Variants in TRIM17 observed in about 807,000 individuals in gnomAD.
TRIM17 encodes tripartite motif containing 17.
Under a neutral mutation model 35.8 loss-of-function variants are expected in TRIM17, and 27 were observed. That is an observed-to-expected ratio of 0.75 (90% CI 0.56 to 1.04). TRIM17 has a LOEUF of 1.04. TRIM17 is among the 50% of genes least tolerant of loss of function. The probability of loss-of-function intolerance (pLI) is 0.00; values close to 1 mark genes in which losing one functional copy is unlikely to be tolerated. For missense variants in TRIM17, 582 were observed against 612.8 expected (o/e 0.95, Z 0.53); for synonymous variants, 246 against 252.6 (o/e 0.97, Z 0.25).
chr1:228,411,011 A>T lies in TRIM17; in HGVS notation c.691T>A (p.Ser231Thr). The T allele has an allele frequency of 6.2e-7, 1 of 1,611,924 alleles. No individual in the cohort carries two copies. The highest frequency in any genetic ancestry group is 8.5e-7 in the Non-Finnish European group (1 of 1,179,454). The change falls in exon 4 of 7, where the codon TCT becomes ACT. Residue 231 changes from serine to threonine, a missense_variant. Ser to Thr is a moderately conservative substitution (Grantham distance 58). Coordinates refer to ENST00000366698, the MANE Select transcript of TRIM17 (RefSeq NM_016102.4). The surrounding 1 kb of genome is among the most constrained non-coding windows in gnomAD (Gnocchi z 4.2). ...SVACLDRQGH[S>T]LELLLLQLEE... ...AGCTGCAGCAGCAGCAGCTCCAGAG[A>T]GTGACCCTGCCGGTCCAGGCAGGCC...
At chr1:228,409,604 A>C (rs1381107858) in intron 4 of TRIM17, 193 bp from the exon 5 acceptor site, 1 of 548,902 alleles carries the variant, frequency 1.8e-6, no homozygotes. Context: ...CAGAGCCCCC[A>C]GTGCCTCACC....
Position 228,411,044 on chromosome 1 carries a change from C to G in TRIM17, c.658G>C (p.Glu220Gln), listed in dbSNP as rs201885630. The G allele has an allele frequency of 6.2e-6, 10 of 1,613,716 alleles. No homozygotes were observed. Among genetic ancestry groups the G allele is most frequent in the South Asian group, 1.1e-5 (1 of 91,082 alleles). The part of the protein sequence containing the change: ...EEEETASRLR[E>Q]SVACLDRQGH... ...TGCCGGTCCAGGCAGGCCACGCTCTCCCGGAGCCTGCTGGCAGTCTCCTCT... is the reference window on the plus strand; with the variant it reads ...TGCCGGTCCAGGCAGGCCACGCTCTGCCGGAGCCTGCTGGCAGTCTCCTCT... The change falls in exon 4 of 7, where the codon GAG becomes CAG. Residue 220 changes from glutamate to glutamine, a missense_variant. Coordinates refer to ENST00000366698, the MANE Select transcript of TRIM17 (RefSeq NM_016102.4). This position sits in a 1 kb window ranked among gnomAD's most constrained non-coding sequence, Gnocchi z 4.2.
In TRIM17 at chr1:228,414,736, C is replaced by T. The variant is rs1366352510; in HGVS notation, c.337G>A (p.Asp113Asn). The change falls in exon 2 of 7, where the codon GAC (aspartate) becomes AAC (asparagine). Residue 113 changes from aspartate (D) to asparagine (N), a missense_variant. Physicochemically the swap from Asp to Asn is conservative, Grantham distance 23 (BLOSUM62 1). Coordinates refer to ENST00000366698, the MANE Select transcript of TRIM17 (RefSeq NM_016102.4). ...CACACCACACAGATGGGGCTCTGGT[C>T]CTTCTGGCAGAAAAGCTTGAGGGGC... is the stretch of plus-strand genomic sequence containing the variant. ...HEPLKLFCQK[D>N]QSPICVVCRE... 1 of 1,612,712 alleles carries T rather than the reference C, an allele frequency of 6.2e-7. No individual in the cohort carries two copies. Among genetic ancestry groups the T allele is most frequent in the East Asian group, 2.2e-5 (1 of 44,874 alleles).
chr1:228,408,503 CT>C lies in TRIM17; in HGVS notation c.1131del (p.Asp378ThrfsTer29). The C allele has an allele frequency of 6.2e-7, 1 of 1,614,160 alleles. No homozygotes were observed. Among genetic ancestry groups the C allele is most frequent in the Non-Finnish European group, 8.5e-7 (1 of 1,180,008 alleles). ...TTTTCGGGGCACTTGGGGACCCTGT[CT>C]TTCCGGCTCACGTTGTCCCTGCACA... ...LGVCRDNVSR[K>X]DRVPKCPENG... On this transcript the variant is annotated frameshift_variant, in exon 7 of 7. Transcript: ENST00000366698. LOFTEE classifies it low-confidence loss of function (END_TRUNC). The surrounding 1 kb of genome is among the most constrained non-coding windows in gnomAD (Gnocchi z 6.3).
Position 228,412,087 on chromosome 1 carries a change from T to C in TRIM17, c.526-911A>G, listed in dbSNP as rs140923185. Among the ~76,000 whole-genome samples the C allele has an allele frequency of 4.7e-3, 717 of 152,300 alleles. 5 individuals carry two copies. Among genetic ancestry groups the C allele is most frequent in the African/African-American group, 0.016 (683 of 41,566 alleles). On this transcript the variant is annotated intron_variant, in intron 3 of 6. Coordinates refer to ENST00000366698, the MANE Select transcript of TRIM17 (RefSeq NM_016102.4). ...TGAAGCTGAAGGCTGTGCCTCTGAATGCTGACGCCCACCCTTCACTGGCTC... is the reference window on the plus strand; with the variant it reads ...TGAAGCTGAAGGCTGTGCCTCTGAACGCTGACGCCCACCCTTCACTGGCTC...
rs1175570438 is a variant in TRIM17, at chr1:228,413,894, T to G, written c.430-2A>C. The G allele has an allele frequency of 6.2e-7, 1 of 1,613,646 alleles. No homozygotes were observed. Among genetic ancestry groups the G allele is most frequent in the Non-Finnish European group, 8.5e-7 (1 of 1,179,616 alleles). On this transcript the variant is annotated splice_acceptor_variant, in intron 2 of 6. Coordinates refer to ENST00000366698, the MANE Select transcript of TRIM17 (RefSeq NM_016102.4). LOFTEE classifies it high-confidence loss of function. ...CTCCATGTCCTCCTCCAGCTTCAAC[T>G]GTGGGACACACAAACCGCAGGATTT...
Position 228,414,840 on chromosome 1 carries a change from C to T in TRIM17, c.233G>A (p.Arg78Gln), listed in dbSNP as rs1270334022. Residue 78 changes from arginine (R) to glutamine (Q), a missense_variant, in exon 2 of 7, where the codon CGG (arginine) becomes CAG (glutamine). Physicochemically the swap from Arg to Gln is conservative, Grantham distance 43. Coordinates refer to ENST00000366698, the MANE Select transcript of TRIM17 (RefSeq NM_016102.4). ...CATCTCGGCCACCTTGGTCAGCAGCCGGTTGGGCAGCAGGTTCCTCTGCGG... is the reference window on the plus strand; with the variant it reads ...CATCTCGGCCACCTTGGTCAGCAGCTGGTTGGGCAGCAGGTTCCTCTGCGG... ...MSPQRNLLPN[R>Q]LLTKVAEMAQ... The T allele has an allele frequency of 8.7e-6, 14 of 1,613,480 alleles. No homozygotes were observed. The highest frequency in any genetic ancestry group is 2.7e-5 in the African/African-American group (2 of 74,938).
chr1:228,409,380 A>G lies in TRIM17; in HGVS notation c.779+9T>C. 1 of 1,453,186 alleles carries G rather than the reference A, an allele frequency of 6.9e-7. No homozygotes were observed. The highest frequency in any genetic ancestry group is 9.2e-7 in the Non-Finnish European group (1 of 1,086,854). The allele number at this position is 1,453,186 out of a possible 1,614,324, so 90.0% of individuals were successfully genotyped here. On this transcript the variant is annotated intron_variant, in intron 5 of 6. Coordinates refer to ENST00000366698, the MANE Select transcript of TRIM17 (RefSeq NM_016102.4). ...ACTGCCCCCGCCCCTGCCTGAGGGGACCACATACCTGCTCAGGGGTTCCTT... is the reference window on the plus strand; with the variant it reads ...ACTGCCCCCGCCCCTGCCTGAGGGGGCCACATACCTGCTCAGGGGTTCCTT...
chr1:228,416,722 G>GTTGGGC lies in TRIM17; in HGVS notation c.-226_-225insGCCCAA. On this transcript the variant is annotated 5_prime_UTR_variant, in exon 1 of 7. Coordinates refer to ENST00000366698, the MANE Select transcript of TRIM17 (RefSeq NM_016102.4). Reference sequence around the variant, plus strand: ...GGGGCTGGGGGGCGGCGGGGGAGGGGAATGCTGGGCGAGGGAGTGTTCGGC... The same window carrying GTTGGGC: ...GGGGCTGGGGGGCGGCGGGGGAGGGGTTGGGCAATGCTGGGCGAGGGAGTGTTCGGC... The GTTGGGC allele has an allele frequency of 1.8e-6, 1 of 568,114 alleles. No individual in the cohort carries two copies. The highest frequency in any genetic ancestry group is 2.2e-6 in the Non-Finnish European group (1 of 453,600). The allele number at this position is 568,114 out of a possible 1,614,324, so 35.2% of individuals were successfully genotyped here. A position where few individuals can be genotyped will look rare whatever the true frequency, so the allele number is the denominator to read the frequency against.
At chr1:228,414,526 C>T in intron 2 of TRIM17, 118 bp downstream of exon 2, 1 of 892,042 alleles carries the variant, frequency 1.1e-6, no homozygotes, top group Non-Finnish European at 1.7e-6. Context: ...TCCTCCCCAG[C>T]CCCTGACTCG....
rs1313672111 is a variant in TRIM17, at chr1:228,409,985, C to T, written c.757-574G>A. ...TAGGCAGGGACTCTCATGCAGGTGG[C>T]GCGCTTGGCCCTCTGCTCATAGGAG... On this transcript the variant is annotated intron_variant, in intron 4 of 6. Coordinates refer to ENST00000366698, the MANE Select transcript of TRIM17 (RefSeq NM_016102.4). 3.3e-5 allele frequency among the ~76,000 whole-genome samples: 5 copies of T among 152,274 alleles called. No individual in the cohort carries two copies. In the East Asian group the frequency reaches 7.7e-4, roughly 24 times the overall value.
Position 228,408,993 on chromosome 1 carries a change from C to T in TRIM17, c.883+179G>A, listed in dbSNP as rs1240997858. The T allele has an allele frequency of 5.2e-6, 8 of 1,544,894 alleles. No homozygotes were observed. The highest frequency in any genetic ancestry group is 1.2e-5 in the South Asian group (1 of 82,970). On this transcript the variant is annotated intron_variant, in intron 6 of 6. Coordinates refer to ENST00000366698, the MANE Select transcript of TRIM17 (RefSeq NM_016102.4). The surrounding 1 kb of genome is among the most constrained non-coding windows in gnomAD (Gnocchi z 6.3). ...CACTGGGAACTCAACAAGATTCATC[C>T]CATGAATTAGAACCACCAGTAACGC...
chr1:228,408,253 G>A lies in TRIM17; in HGVS notation c.1382C>T (p.Pro461Leu), dbSNP rs1438478446. ...GGAGATGACCATCTGACCAGACTTC[G>A]GAGCCCCCAGGCAGAAGAAAGGCTG... Reference protein sequence around the residue: ...PLQPFFCLGAPKSGQMVISTV... With the variant: ...PLQPFFCLGALKSGQMVISTV... The change falls in exon 7 of 7, where the codon CCG becomes CTG. Residue 461 changes from proline to leucine, a missense_variant. By Grantham distance (98) the Pro-to-Leu change is moderately conservative. Coordinates refer to ENST00000366698, the MANE Select transcript of TRIM17 (RefSeq NM_016102.4). This position sits in a 1 kb window ranked among gnomAD's most constrained non-coding sequence, Gnocchi z 6.3. 18 of 1,570,058 alleles carry A rather than the reference G, an allele frequency of 1.1e-5. No individual in the cohort carries two copies. The highest frequency in any genetic ancestry group is 5.4e-5 in the African/African-American group (4 of 73,834).
intron 4 of TRIM17, chr1:228,409,782 G>C: frequency 6.1e-6 from 1 of 165,182 alleles, no homozygotes; most frequent in South Asian, 2.3e-4. Context: ...GCAATTGGGT[G>C]CAGTTTGGGG....
In TRIM17 at chr1:228,412,595, CAAAAAAAAAAAAAAAA is replaced by C. The variant is rs34002550; in HGVS notation, c.525+1186_525+1201del. ...GGGCAATAGCAAGACCTTGTCTCTA[CAAAAAAAAAAAAAAAA>C]AAAAAAAAAAAAGCTGGTCTTGGTG... is the stretch of plus-strand genomic sequence containing the variant. On this transcript the variant is annotated intron_variant, in intron 3 of 6. Transcript: ENST00000366698. 1.1e-4 allele frequency among the ~76,000 whole-genome samples: 5 copies of C among 47,426 alleles called. No individual in the cohort carries two copies. In the South Asian group the frequency reaches 5.1e-3, roughly 49 times the overall value. 31.1% of individuals were successfully genotyped at this position (47,426 alleles called of 152,430 possible).
In TRIM17 at chr1:228,410,960, G is replaced by A. The variant is rs1656744802; in HGVS notation, c.742C>T (p.Leu248Phe). The A allele has an allele frequency of 6.3e-7, 1 of 1,576,006 alleles. No homozygotes were observed. The highest frequency in any genetic ancestry group is 8.6e-7 in the Non-Finnish European group (1 of 1,161,748). The change falls in exon 4 of 7, where the codon CTC (leucine) becomes TTC (phenylalanine). Residue 248 changes from leucine to phenylalanine, a missense_variant. Coordinates refer to ENST00000366698, the MANE Select transcript of TRIM17 (RefSeq NM_016102.4). This position sits in a 1 kb window ranked among gnomAD's most constrained non-coding sequence, Gnocchi z 4.6. ...QLEERSTQGPLQMLQDMKEPL... is the reference protein window; with the variant it reads ...QLEERSTQGPFQMLQDMKEPL... ...TACTGGCTCACCTGCAGCATCTGGA[G>A]GGGCCCCTGTGTGCTCCGCTCCTCC...
rs1656795802 is a variant in TRIM17 at position 228,411,739 on chromosome 1, A to C, written c.526-563T>G. On this transcript the variant is annotated intron_variant, in intron 3 of 6. Transcript: ENST00000366698. The surrounding 1 kb of genome is among the most constrained non-coding windows in gnomAD (Gnocchi z 4.2). ...CCTCCTGGCCTCAAGTGACCCTCCCACCTCAGCCTTCCAAGGAAGTGGGAC... is the reference window on the plus strand; with the variant it reads ...CCTCCTGGCCTCAAGTGACCCTCCCCCCTCAGCCTTCCAAGGAAGTGGGAC... 6.6e-6 allele frequency among the ~76,000 whole-genome samples: 1 copy of C among 151,714 alleles called. No homozygotes were observed. Among genetic ancestry groups the C allele is most frequent in the South Asian group, 2.1e-4 (1 of 4,812 alleles).
rs1656634280 is a variant in TRIM17, at chr1:228,409,194, A to C, written c.861T>G (p.Ile287Met). 1.2e-6 allele frequency: 2 copies of C among 1,613,816 alleles called. No individual in the cohort carries two copies. The highest frequency in any genetic ancestry group is 1.7e-6 in the Non-Finnish European group (2 of 1,179,996). ...TACCTAGAAAGCCTCTTAGCACTTC[A>C]ATCTGTCCGGGAACTCTGCACACAG... Reference protein sequence around the residue: ...PRTVCRVPGQIEVLRGFLEDV... With the variant: ...PRTVCRVPGQMEVLRGFLEDV... Residue 287 changes from isoleucine to methionine, a missense_variant, in exon 6 of 7, where the codon ATT becomes ATG. Ile to Met is a conservative substitution (Grantham distance 10). Transcript: ENST00000366698.
rs139410314 is a variant in TRIM17, at chr1:228,415,017, C to T, written c.56G>A (p.Cys19Tyr). ...KLQEEATCSI[C>Y]LDYFTDPVMT... is the part of the protein sequence containing the mutation. ...CACAGGGTCTGTGAAGTAATCCAGA[C>T]AGATGGAGCACGTAGCTTCCTCCTG... The change falls in exon 2 of 7, where the codon TGT becomes TAT. Residue 19 changes from cysteine (C) to tyrosine (Y), a missense_variant. Transcript: ENST00000366698. 2.5e-6 allele frequency: 4 copies of T among 1,611,618 alleles called. No individual in the cohort carries two copies. Among genetic ancestry groups the T allele is most frequent in the African/African-American group, 2.7e-5 (2 of 74,902 alleles).
Sources: gnomAD v4.1 joint callset for allele counts (sites outside exome capture counted in the v4.1 genomes callset) on GRCh38, gnomAD v4.1.1 for gene constraint, Gnocchi (gnomAD v3.1) non-coding constraint, MANE v1.5 for transcripts, NCBI Gene and HGNC (gene_info 2026-07-23, HGNC 2026-07-21) for gene names.